The following PTPRN2 variants were observed in gnomAD, a reference collection of about 807,000 sequenced individuals.
PTPRN2 encodes the protein receptor-type tyrosine-protein phosphatase N2.
A neutral mutation model predicts 118.8 loss-of-function variants in PTPRN2; 74 were observed. The ratio of observed to expected loss-of-function variants is 0.62; its 90% CI spans 0.52 to 0.76. PTPRN2 has a LOEUF of 0.76. Ranked by LOEUF, PTPRN2 falls within the 30% of genes least tolerant of loss-of-function variation. PTPRN2 has a pLI of 0.00. For missense variants in PTPRN2, 1,481 were observed against 1,394.4 expected (o/e 1.06, Z -0.99); for synonymous variants, 641 against 608.0 (o/e 1.05, Z -0.80).
intron 12 of PTPRN2, among the ~76,000 whole-genome samples, chr7:157,897,015 C>T (rs1408010687): frequency 6.6e-6 from 1 of 152,098 alleles, no homozygotes; most frequent in Non-Finnish European, 1.5e-5. Context: ...ACAGCCGCTT[C>T]TCACGGGGCC....
intron 11 of PTPRN2, among the ~76,000 whole-genome samples, chr7:157,949,205 G>C (rs1032655288): frequency 1.3e-5 from 2 of 152,166 alleles, no homozygotes; most frequent in Non-Finnish European, 2.9e-5. Context: ...GACTCACGTA[G>C]GATCCAAAGT....
At chr7:157,708,984 C>G (rs1196046915) in intron 12 of PTPRN2, among the ~76,000 whole-genome samples, 1 of 152,228 alleles carries the variant, frequency 6.6e-6, no homozygotes, top group Non-Finnish European at 1.5e-5. Context: ...CACCTGGGAA[C>G]CGACACTCCT....
At chr7:157,803,340 G>C (rs1213629600) in intron 12 of PTPRN2, among the ~76,000 whole-genome samples, 2 of 152,148 alleles carry the variant, frequency 1.3e-5, no homozygotes, top group African/African-American at 4.8e-5. Flanking sequence ...ACCAGTAGGG[G>C]ATGCAGAGAC....
intron 12 of PTPRN2, among the ~76,000 whole-genome samples, chr7:157,830,209 G>A (rs1274533310): frequency 1.3e-5 from 2 of 151,972 alleles, no homozygotes; most frequent in Admixed American, 6.6e-5. Flanking sequence ...GGGCATCTGG[G>A]GTCCCTGAAT....
intron 12 of PTPRN2, among the ~76,000 whole-genome samples, chr7:157,700,859 C>G (rs571502825): frequency 1.3e-5 from 2 of 152,218 alleles, no homozygotes; most frequent in East Asian, 1.9e-4. Flanking sequence ...ATCGAGGAAC[C>G]CTGGCTGGCT....
At chr7:158,262,516 ATT>A (rs1165215170) in intron 3 of PTPRN2, among the ~76,000 whole-genome samples, 10 of 145,320 alleles carry the variant, frequency 6.9e-5, no homozygotes, top group Admixed American at 6.8e-5. Context: ...CTGCACACAC[ATT>A]CACACACTGC....
chr7:158,524,040 A>AGTC (rs1433464924), intron 1 of PTPRN2, among the ~76,000 whole-genome samples: 2 of 88,726 alleles, frequency 2.3e-5, no homozygotes, highest in African/African-American at 1.0e-4. Context: ...CCTGGAGTGG[A>AGTC]GTCTGCCCTG....
intron 11 of PTPRN2, among the ~76,000 whole-genome samples, chr7:157,935,330 G>A (rs10244749): frequency 0.035 from 5,318 of 152,036 alleles, 274 homozygotes; most frequent in African/African-American, 0.11. Context: ...TTTGTTTCTG[G>A]CATTTTTCTC....
rs1326331291 is a variant in PTPRN2, at chr7:157,690,037, C to A, written c.1789-7100G>T. 6.6e-6 allele frequency among the ~76,000 whole-genome samples: 1 copy of A among 152,254 alleles called. No individual in the cohort carries two copies. Among genetic ancestry groups the A allele is most frequent in the Non-Finnish European group, 1.5e-5 (1 of 68,050 alleles). ...TCCCATCTCCGTGCCTGCACCCCCC[C>A]ACCCCCAGCACCCTGCAATGGTCGG... is the stretch of plus-strand genomic sequence containing the variant. On this transcript the variant is annotated intron_variant, in intron 12 of 22. Transcript: ENST00000389418. This position sits in a 1 kb window ranked among gnomAD's most constrained non-coding sequence, Gnocchi z 7.1.
chr7:158,262,494 C>A (rs1211980781), intron 3 of PTPRN2, among the ~76,000 whole-genome samples: 1 of 100,880 alleles, frequency 9.9e-6, no homozygotes, highest in Non-Finnish European at 2.1e-5. Context: ...CACACACATA[C>A]ATGCACACAC....
chr7:158,071,684 G>T (rs1352204971), intron 11 of PTPRN2, among the ~76,000 whole-genome samples: 1 of 134,236 alleles, frequency 7.4e-6, no homozygotes, highest in African/African-American at 2.7e-5. Flanking sequence ...AGGTGCTCCT[G>T]GTGGAGGTGC....
In PTPRN2 at chr7:157,822,759, C is replaced by T. The variant is rs111204847; in HGVS notation, c.1788+75914G>A. On this transcript the variant is annotated intron_variant, in intron 12 of 22. Transcript: ENST00000389418. ...CCATCCACATATCCCATCATCCATG[C>T]GTACATGCATCCATCCTTCCTCCTA... 1.8e-3 allele frequency among the ~76,000 whole-genome samples: 271 copies of T among 151,834 alleles called. 3 individuals carry two copies. The highest frequency in any genetic ancestry group is 5.6e-3 in the African/African-American group (232 of 41,420).
intron 1 of PTPRN2, among the ~76,000 whole-genome samples, chr7:158,520,572 G>A (rs546903461): frequency 2.0e-5 from 3 of 152,284 alleles, no homozygotes; most frequent in South Asian, 2.1e-4. Context: ...GCTCCCTTCC[G>A]TCAGGAGCAA....
chr7:157,658,129 G>A (rs1179474295), intron 13 of PTPRN2, among the ~76,000 whole-genome samples: 4 of 151,234 alleles, frequency 2.6e-5, no homozygotes, highest in Admixed American at 1.3e-4. Flanking sequence ...CTGGGATAAC[G>A]CCACAGTAGC....
chr7:157,898,701 AGTC>A lies in PTPRN2; in HGVS notation c.1757_1759del (p.Gly586_Leu587delinsVal), dbSNP rs1797271938. On this transcript the variant is annotated inframe_deletion, in exon 12 of 23. Transcript: ENST00000389418. ...CCCGACTCCGGTTTGAAGAATTTTC[AGTC>A]CAGAGGTTTCCTCCAGTTTGTCTTT... 2 of 1,607,726 alleles carry A rather than the reference AGTC, an allele frequency of 1.2e-6. No homozygotes were observed. The highest frequency in any genetic ancestry group is 4.5e-5 in the East Asian group (2 of 44,854).
chr7:158,244,964 G>A (rs1034818133), intron 3 of PTPRN2, among the ~76,000 whole-genome samples: 1 of 152,228 alleles, frequency 6.6e-6, no homozygotes, highest in Non-Finnish European at 1.5e-5. Context: ...AGGCCTGAGC[G>A]AGGCCAGCAG....
intron 12 of PTPRN2, among the ~76,000 whole-genome samples, chr7:157,815,478 A>C (rs1171309718): frequency 6.6e-6 from 1 of 152,240 alleles, no homozygotes; most frequent in Non-Finnish European, 1.5e-5. Context: ...GGAAAGCCGG[A>C]GTCCCAGCCA....
At chr7:158,330,762 G>A (rs1586295752) in intron 2 of PTPRN2, among the ~76,000 whole-genome samples, 1 of 113,468 alleles carries the variant, frequency 8.8e-6, no homozygotes, top group African/African-American at 3.0e-5. Context: ...CTCACCATAA[G>A]AGCTGACACC....
chr7:157,835,464 A>G (rs1448933419), intron 12 of PTPRN2, among the ~76,000 whole-genome samples: 1 of 152,230 alleles, frequency 6.6e-6, no homozygotes, highest in Non-Finnish European at 1.5e-5. Context: ...GCTCTTCGAG[A>G]ATCACGAGCA....
Sources: allele counts gnomAD v4.1 joint callset (sites outside exome capture counted in the v4.1 genomes callset), GRCh38; gene constraint gnomAD v4.1.1; non-coding constraint Gnocchi (gnomAD v3.1); transcripts MANE v1.5; gene names NCBI Gene and HGNC (gene_info 2026-07-23, HGNC 2026-07-21).